Variants in KIF18A observed in about 807,000 individuals in gnomAD.
KIF18A encodes the protein kinesin family member 18A, also known as kinesin-like protein KIF18A.
In KIF18A, 67 loss-of-function variants were observed where a neutral mutation model predicts 103.3. The observed-to-expected ratio is 0.65, with a 90% CI of 0.53 to 0.79. The LOEUF is 0.79. Among genes scored for constraint, KIF18A ranks in the 30% least tolerant of loss-of-function variants. The pLI, the probability that KIF18A is intolerant of heterozygous loss-of-function variation, is 0.00. For missense variants in KIF18A, 1,032 were observed against 1,062.5 expected (o/e 0.97, Z 0.40); for synonymous variants, 367 against 355.5 (o/e 1.03, Z -0.36).
At chr11:28,061,326 T>C (rs1225004644) in intron 12 of KIF18A, among the ~76,000 whole-genome samples, 1 of 152,138 alleles carries the variant, frequency 6.6e-6, no homozygotes, top group East Asian at 1.9e-4. Context: ...TCAAGATTGA[T>C]TCCAAAACTC....
At chr11:28,076,661 A>C (rs1399763311) in intron 10 of KIF18A, 1 of 155,422 alleles carries the variant, frequency 6.4e-6, no homozygotes, top group Admixed American at 6.5e-5. Flanking sequence ...CAGGCCGGGC[A>C]CAGTGGCTCA....
intron 16 of KIF18A, among the ~76,000 whole-genome samples, chr11:28,022,887 G>A (rs1850264729): frequency 6.6e-6 from 1 of 151,912 alleles, no homozygotes; most frequent in African/African-American, 2.4e-5. Flanking sequence ...CTAATCAAAG[G>A]GCATCGACAG....
At chr11:28,065,158 C>T (rs1850902757) in intron 11 of KIF18A, among the ~76,000 whole-genome samples, 1 of 151,938 alleles carries the variant, frequency 6.6e-6, no homozygotes, top group African/African-American at 2.4e-5. Flanking sequence ...GTAAATAATG[C>T]AGGAGAGTAC....
chr11:28,033,833 C>T (rs1850444202), intron 15 of KIF18A, among the ~76,000 whole-genome samples: 1 of 151,232 alleles, frequency 6.6e-6, no homozygotes, highest in Non-Finnish European at 1.5e-5. Flanking sequence ...ATGTATTGTA[C>T]ATTTAAAAAA....
At chr11:28,031,355 A>G (rs1850403754) in intron 15 of KIF18A, among the ~76,000 whole-genome samples, 1 of 152,174 alleles carries the variant, frequency 6.6e-6, no homozygotes, top group African/African-American at 2.4e-5. Flanking sequence ...TGCAGCCATA[A>G]AAAAGGATGA....
intron 15 of KIF18A, among the ~76,000 whole-genome samples, chr11:28,031,970 C>T (rs77510208): frequency 0.016 from 2,443 of 151,750 alleles, 34 homozygotes; most frequent in Non-Finnish European, 0.028. Flanking sequence ...ATGACATGAT[C>T]TTATCATATA....
intron 10 of KIF18A, among the ~76,000 whole-genome samples, chr11:28,076,003 G>A (rs1175320401): frequency 6.6e-6 from 1 of 151,966 alleles, no homozygotes; most frequent in Non-Finnish European, 1.5e-5. Flanking sequence ...CTTGCCAACA[G>A]TGATGGTTGG....
Position 28,097,987 on chromosome 11 carries a change from T to A in KIF18A, c.-40A>T, listed in dbSNP as rs376168596. On this transcript the variant is annotated 5_prime_UTR_variant, in exon 2 of 17. Coordinates refer to ENST00000263181, the MANE Select transcript of KIF18A (RefSeq NM_031217.4). The stretch of plus-strand genomic sequence containing the variant: ...ATTCCTATCTGTATAAATACTTGAA[T>A]ACTTCTCTGAAATTAAAAAAGAAAA... 4 of 1,373,292 alleles carry A rather than the reference T, an allele frequency of 2.9e-6. No individual in the cohort carries two copies. The African/African-American group carries it at 5.8e-5, about 20-fold the overall frequency. The allele number at this position is 1,373,292 out of a possible 1,614,324, so 85.1% of individuals were successfully genotyped here. A position where few individuals can be genotyped will look rare whatever the true frequency, so the allele number is the denominator to read the frequency against.
intron 10 of KIF18A, 51 bp from the exon 11 acceptor site, chr11:28,069,474 T>C (rs1850982214): frequency 6.6e-7 from 1 of 1,514,518 alleles, no homozygotes; most frequent in African/African-American, 1.4e-5. Context: ...ATATTTGATG[T>C]ACATGATATT....
At chr11:28,027,269 T>G (rs997045445) in intron 15 of KIF18A, among the ~76,000 whole-genome samples, 14 of 151,902 alleles carry the variant, frequency 9.2e-5, no homozygotes, top group Admixed American at 7.2e-4. Context: ...TATTTGTCAT[T>G]GCATTCAATT....
chr11:28,101,290 T>G (rs183853040), intron 1 of KIF18A, among the ~76,000 whole-genome samples: 44 of 152,312 alleles, frequency 2.9e-4, no homozygotes, highest in Admixed American at 8.5e-4. Context: ...TTAGAAATAT[T>G]CAACAATATT....
intron 15 of KIF18A, among the ~76,000 whole-genome samples, chr11:28,034,807 T>A (rs191973496): frequency 1.9e-4 from 29 of 151,848 alleles, no homozygotes; most frequent in Admixed American, 1.1e-3. Flanking sequence ...CTATAGCATG[T>A]TTCTCTTTTC....
chr11:28,021,899 C>G (rs1850250455), intron 16 of KIF18A, among the ~76,000 whole-genome samples: 1 of 152,186 alleles, frequency 6.6e-6, no homozygotes, highest in African/African-American at 2.4e-5. Context: ...TGCTTATCCA[C>G]TTTGTTGGCC....
chr11:28,098,776 C>T (rs1272733838), intron 1 of KIF18A, among the ~76,000 whole-genome samples: 1 of 151,482 alleles, frequency 6.6e-6, no homozygotes, highest in Admixed American at 6.6e-5. Context: ...AGTAAAGTAA[C>T]AAAGATCAAT....
intron 13 of KIF18A, among the ~76,000 whole-genome samples, chr11:28,046,990 G>T (rs2133509525): frequency 7.1e-6 from 1 of 141,594 alleles, no homozygotes; most frequent in South Asian, 2.3e-4. Flanking sequence ...GGATGCAGAG[G>T]TTGCAGTGAG....
intron 15 of KIF18A, among the ~76,000 whole-genome samples, chr11:28,028,635 A>G (rs1850352786): frequency 1.3e-5 from 2 of 152,178 alleles, no homozygotes; most frequent in African/African-American, 4.8e-5. Context: ...AAGCAAGAGC[A>G]AACACATTAA....
chr11:28,084,261 T>C (rs991491915), intron 7 of KIF18A: 3 of 152,170 alleles, frequency 2.0e-5, no homozygotes, highest in African/African-American at 4.8e-5. Context: ...AAAGTTTTGG[T>C]TCTCAGCTAA....
chr11:28,049,405 G>A (rs919110275), intron 13 of KIF18A, among the ~76,000 whole-genome samples: 6 of 151,936 alleles, frequency 3.9e-5, no homozygotes, highest in Non-Finnish European at 5.9e-5. Flanking sequence ...GCCATATCAT[G>A]TGTTCTGAAT....
rs919865244 is a variant in KIF18A, at chr11:28,091,505, A to G, written c.492T>C (p.Asn164=). 1.3e-6 allele frequency: 2 copies of G among 1,574,378 alleles called. No individual in the cohort carries two copies. Among genetic ancestry groups the G allele is most frequent in the Admixed American group, 3.5e-5 (2 of 57,526 alleles). Residue 164 remains asparagine, a synonymous_variant, in exon 4 of 17, where the codon AAT becomes AAC. Coordinates refer to ENST00000263181, the MANE Select transcript of KIF18A (RefSeq NM_031217.4). ...TTACTAAGAGATCACGAATCTGTTC[A>G]TTATATACCTTAAAATAAAAAGAAC... The part of the protein sequence containing the change: ...STAVSYLEVY[N]EQIRDLLVNS...
Sources: allele counts gnomAD v4.1 joint callset (sites outside exome capture counted in the v4.1 genomes callset), GRCh38; gene constraint gnomAD v4.1.1; transcripts MANE v1.5; gene names NCBI Gene and HGNC (gene_info 2026-07-23, HGNC 2026-07-21).